Variants in MYO9A observed in about 807,000 individuals in gnomAD.
MYO9A encodes the protein unconventional myosin-IXa.
Under a neutral mutation model 293.3 loss-of-function variants are expected in MYO9A, and 103 were observed. The ratio of observed to expected loss-of-function variants is 0.35; its 90% CI spans 0.30 to 0.41. MYO9A has a LOEUF of 0.41. Among genes scored for constraint, MYO9A ranks in the 10% least tolerant of loss-of-function variants. MYO9A has a pLI of 1.00. For synonymous variants in MYO9A, 1,001 were observed against 1,035.7 expected (o/e 0.97, Z 0.64); for missense variants, 2,685 against 3,033.0 (o/e 0.89, Z 2.69).
At chr15:71,979,219 C>G (rs2076215111) in intron 11 of MYO9A, among the ~76,000 whole-genome samples, 1 of 152,106 alleles carries the variant, frequency 6.6e-6, no homozygotes, top group African/African-American at 2.4e-5. Flanking sequence ...TATAGTTACT[C>G]TAACTAGGAA....
chr15:72,033,022 T>C (rs539865763), intron 2 of MYO9A, among the ~76,000 whole-genome samples: 2 of 152,202 alleles, frequency 1.3e-5, no homozygotes, highest in East Asian at 3.9e-4. Flanking sequence ...GGCTATTTTT[T>C]TGTATTTTAG....
chr15:72,090,568 C>A (rs1157884504), intron 1 of MYO9A, among the ~76,000 whole-genome samples: 1 of 152,108 alleles, frequency 6.6e-6, no homozygotes, highest in East Asian at 1.9e-4. Flanking sequence ...ATAAAACTAG[C>A]CCCTAAATAA....
intron 12 of MYO9A, among the ~76,000 whole-genome samples, chr15:71,970,822 G>A (rs2075989730): frequency 6.6e-6 from 1 of 151,888 alleles, no homozygotes. Context: ...GATATTTATG[G>A]CCACATGGCT....
At chr15:72,019,617 TTAAA>T (rs1466521283) in intron 5 of MYO9A, among the ~76,000 whole-genome samples, 4 of 152,184 alleles carry the variant, frequency 2.6e-5, no homozygotes, top group South Asian at 4.1e-4. Flanking sequence ...AATGGATACT[TTAAA>T]TAACTTGGAA....
intron 1 of MYO9A, among the ~76,000 whole-genome samples, chr15:72,079,015 C>A (rs764542186): frequency 8.5e-5 from 13 of 152,156 alleles, no homozygotes; most frequent in Non-Finnish European, 1.5e-4. Context: ...GGCAGTGAAA[C>A]TATTCTCTAT....
Position 72,010,515 on chromosome 15 carries a change from A to T in MYO9A, c.1156-68T>A, listed in dbSNP as rs557777036. The T allele has an allele frequency of 4.4e-6, 6 of 1,373,342 alleles. No homozygotes were observed. The South Asian group carries it at 7.6e-5, about 17-fold the overall frequency. 85.1% of individuals were successfully genotyped at this position (1,373,342 alleles called of 1,614,324 possible). A position where few individuals can be genotyped will look rare whatever the true frequency, so the allele number is the denominator to read the frequency against. ...TTTAAAATAATGTGGGCCATTCAGA[A>T]ATATGGTAATTTAGGATAGGTACCT... On this transcript the variant is annotated intron_variant, in intron 6 of 41. Transcript: ENST00000356056.
chr15:72,031,514 A>G (rs1435547710), intron 3 of MYO9A, among the ~76,000 whole-genome samples: 1 of 152,128 alleles, frequency 6.6e-6, no homozygotes, highest in East Asian at 1.9e-4. Context: ...TAATAAAACA[A>G]TTATAACAAT....
intron 14 of MYO9A, among the ~76,000 whole-genome samples, chr15:71,956,888 A>G (rs573733668): frequency 7.5e-5 from 11 of 146,470 alleles, no homozygotes; most frequent in Non-Finnish European, 1.3e-4. Context: ...TATATATCTT[A>G]ATGCTTTCAA....
chr15:71,861,755 A>C (rs1338186466), intron 33 of MYO9A, among the ~76,000 whole-genome samples: 1 of 151,826 alleles, frequency 6.6e-6, no homozygotes, highest in Non-Finnish European at 1.5e-5. Context: ...AGACTGAAAA[A>C]CAAGAACACA....
intron 1 of MYO9A, among the ~76,000 whole-genome samples, chr15:72,102,968 T>TGG (rs1409193092): frequency 6.7e-6 from 1 of 149,368 alleles, no homozygotes; most frequent in Non-Finnish European, 1.5e-5. Context: ...AAATTATATA[T>TGG]GGTTTTTTTT....
At chr15:71,861,871 C>G (rs1487518750) in intron 33 of MYO9A, among the ~76,000 whole-genome samples, 8 of 152,084 alleles carry the variant, frequency 5.3e-5, no homozygotes, top group African/African-American at 1.9e-4. Flanking sequence ...CAGTGGCTCA[C>G]GCCTGTAATC....
chr15:71,897,909 T>C lies in MYO9A; in HGVS notation c.4594A>G (p.Thr1532Ala), dbSNP rs1191732432. ...ILEKERKAFKTIEKPRIGECL... is the reference protein window; with the variant it reads ...ILEKERKAFKAIEKPRIGECL... ...TCTCCAATTCTTGGCTTTTCAATTG[T>C]CTTGAAGGCTTTGCGCTCCTTCTCT... The change falls in exon 25 of 42, where the codon ACA (threonine) becomes GCA (alanine). Residue 1532 changes from threonine to alanine, a missense_variant. Physicochemically the swap from Thr to Ala is moderately conservative, Grantham distance 58. Coordinates refer to ENST00000356056, the MANE Select transcript of MYO9A (RefSeq NM_006901.4). 1 of 1,614,170 alleles carries C rather than the reference T, an allele frequency of 6.2e-7. No homozygotes were observed. The highest frequency in any genetic ancestry group is 2.2e-5 in the East Asian group (1 of 44,866).
intron 15 of MYO9A, among the ~76,000 whole-genome samples, chr15:71,947,029 A>C (rs2058933312): frequency 6.6e-6 from 1 of 152,156 alleles, no homozygotes. Flanking sequence ...GGGTGGGAGG[A>C]TCACTTGAGC....
rs1228211239 is a variant in MYO9A, at chr15:72,099,432, A to C, written c.-72+18248T>G. On this transcript the variant is annotated intron_variant, in intron 1 of 41. Coordinates refer to ENST00000356056, the MANE Select transcript of MYO9A (RefSeq NM_006901.4). ...AGCAAGACCCTGCCCCAAAAAAAAAAAAAAAAAAAAGAAAAAAAAATTAGC... is the reference window on the plus strand; with the variant it reads ...AGCAAGACCCTGCCCCAAAAAAAAACAAAAAAAAAAGAAAAAAAAATTAGC... Among the ~76,000 whole-genome samples the C allele has an allele frequency of 4.8e-4, 70 of 146,088 alleles. 1 individual carries two copies. Among genetic ancestry groups the C allele is most frequent in the South Asian group, 1.7e-3 (8 of 4,684 alleles).
At chr15:71,885,829 C>T (rs1317530434) in intron 27 of MYO9A, among the ~76,000 whole-genome samples, 4 of 152,062 alleles carry the variant, frequency 2.6e-5, no homozygotes, top group African/African-American at 9.7e-5. Flanking sequence ...CATTGGATCT[C>T]CTGAATGGAG....
intron 1 of MYO9A, among the ~76,000 whole-genome samples, chr15:72,097,820 G>C (rs1056897932): frequency 6.6e-6 from 1 of 152,064 alleles, no homozygotes; most frequent in Non-Finnish European, 1.5e-5. Context: ...TGAGGCAGGA[G>C]AATCGCTTGA....
intron 11 of MYO9A, among the ~76,000 whole-genome samples, chr15:71,978,992 T>C (rs960953598): frequency 6.6e-6 from 1 of 152,190 alleles, no homozygotes; most frequent in African/African-American, 2.4e-5. Context: ...AAAGGAGATA[T>C]GTTTCTGCAC....
intron 25 of MYO9A, among the ~76,000 whole-genome samples, chr15:71,894,951 T>C (rs1392527145): frequency 6.6e-6 from 1 of 152,222 alleles, no homozygotes; most frequent in East Asian, 1.9e-4. Flanking sequence ...AATTAGACAC[T>C]AACTTATGAT....
At chr15:71,934,637 G>C (rs547643394) in intron 17 of MYO9A, among the ~76,000 whole-genome samples, 1 of 149,646 alleles carries the variant, frequency 6.7e-6, no homozygotes, top group East Asian at 2.0e-4. Context: ...ATGTTAATCG[G>C]TTGCCCAGGC....
Sources: gnomAD v4.1 joint callset for allele counts (sites outside exome capture counted in the v4.1 genomes callset) on GRCh38, gnomAD v4.1.1 for gene constraint, MANE v1.5 for transcripts, NCBI Gene and HGNC (gene_info 2026-07-23, HGNC 2026-07-21) for gene names.